The following DEUP1 variants were observed in gnomAD, a reference collection of about 807,000 sequenced individuals.
DEUP1 encodes coiled-coil domain containing 67.
In DEUP1, 82 loss-of-function variants were observed where a neutral mutation model predicts 87.4. That is an observed-to-expected ratio of 0.94 (90% CI 0.78 to 1.13). The LOEUF is 1.13. Ranked by LOEUF, DEUP1 falls within the 50% of genes most tolerant of loss-of-function variation. DEUP1 has a pLI of 0.00. For synonymous variants in DEUP1, 214 were observed against 222.7 expected, an observed-to-expected ratio of 0.96 and a Z score of 0.35; for missense variants, 663 against 681.5, an observed-to-expected ratio of 0.97 and a Z score of 0.30.
chr11:93,381,913 T>C (rs1358639235), intron 7 of DEUP1, among the ~76,000 whole-genome samples: 1 of 152,118 alleles, frequency 6.6e-6, no homozygotes. Context: ...AGGTTTTTAC[T>C]TTTTTTCATA....
intron 12 of DEUP1, among the ~76,000 whole-genome samples, chr11:93,412,464 T>A (rs1947464838): frequency 6.6e-6 from 1 of 152,214 alleles, no homozygotes; most frequent in Admixed American, 6.5e-5. Context: ...ACTTGTCAGA[T>A]ATAAAGGTGA....
intron 11 of DEUP1, among the ~76,000 whole-genome samples, chr11:93,401,027 T>C (rs1425197467): frequency 6.6e-6 from 1 of 152,144 alleles, no homozygotes; most frequent in Non-Finnish European, 1.5e-5. Flanking sequence ...ACAGACGATA[T>C]GATCTTATGC....
chr11:93,371,378 T>C, intron 7 of DEUP1, 98 bp downstream of exon 7: 1 of 1,237,722 alleles, frequency 8.1e-7, no homozygotes, highest in South Asian at 1.7e-5. Flanking sequence ...TTTTCTATTA[T>C]TAATATATGT....
chr11:93,332,380 T>C (rs1943535552), intron 2 of DEUP1, 92 bp downstream of exon 2: 2 of 965,678 alleles, frequency 2.1e-6, no homozygotes, highest in South Asian at 3.2e-5. Flanking sequence ...TTACTATTAA[T>C]AGAAGGATAT....
chr11:93,394,427 T>C (rs1315603989), intron 9 of DEUP1, 32 bp from the exon 10 acceptor site: 1 of 1,461,282 alleles, frequency 6.8e-7, no homozygotes, highest in Admixed American at 2.7e-5. Flanking sequence ...ATAAAAGGAT[T>C]CAATAATATT....
chr11:93,387,943 T>C (rs1336617498), intron 8 of DEUP1, among the ~76,000 whole-genome samples: 1 of 152,060 alleles, frequency 6.6e-6, no homozygotes, highest in Non-Finnish European at 1.5e-5. Flanking sequence ...GAAAAATATA[T>C]TTACCGCACA....
chr11:93,420,875 C>T (rs1187533227), intron 13 of DEUP1, among the ~76,000 whole-genome samples: 2 of 111,896 alleles, frequency 1.8e-5, no homozygotes, highest in Non-Finnish European at 3.6e-5. Context: ...AGGACCTCTT[C>T]AAGGAGAACT....
intron 2 of DEUP1, among the ~76,000 whole-genome samples, chr11:93,354,625 C>T (rs1944793317): frequency 1.3e-5 from 2 of 151,942 alleles, no homozygotes; most frequent in South Asian, 4.2e-4. Flanking sequence ...TGGGGGGAGC[C>T]AAAAAGCACT....
At chr11:93,427,486 A>G (rs1453723193) in intron 13 of DEUP1, among the ~76,000 whole-genome samples, 1 of 152,142 alleles carries the variant, frequency 6.6e-6, no homozygotes, top group African/African-American at 2.4e-5. Flanking sequence ...AAGATGGATT[A>G]AAGAGTTAAA....
At chr11:93,417,328 A>G (rs1296866691) in intron 13 of DEUP1, among the ~76,000 whole-genome samples, 1 of 151,386 alleles carries the variant, frequency 6.6e-6, no homozygotes, top group African/African-American at 2.4e-5. Flanking sequence ...CAACTTCAGC[A>G]AACTCTCAGG....
chr11:93,354,711 G>A (rs1944797324), intron 2 of DEUP1, among the ~76,000 whole-genome samples: 1 of 152,170 alleles, frequency 6.6e-6, no homozygotes, highest in South Asian at 2.1e-4. Context: ...CAGATCTCAT[G>A]AGACTTAGTC....
intron 7 of DEUP1, among the ~76,000 whole-genome samples, chr11:93,373,625 G>GTATA (rs1555048258): frequency 0.024 from 1,588 of 66,838 alleles, 16 homozygotes; most frequent in Middle Eastern, 0.076. Context: ...ATATATATAC[G>GTATA]TATATATATA....
At chr11:93,402,367 C>T (rs1299573382) in intron 11 of DEUP1, among the ~76,000 whole-genome samples, 1 of 151,796 alleles carries the variant, frequency 6.6e-6, no homozygotes, top group African/African-American at 2.4e-5. Context: ...TGGATGCTGG[C>T]AAGGATTTGG....
At chr11:93,357,206 T>C (rs897037983) in intron 4 of DEUP1, 163 bp downstream of exon 4, 1 of 530,980 alleles carries the variant, frequency 1.9e-6, no homozygotes, top group Admixed American at 3.9e-5. Flanking sequence ...TGATTTTGTC[T>C]CTTACTAGAT....
intron 12 of DEUP1, among the ~76,000 whole-genome samples, chr11:93,410,540 G>A (rs1022080276): frequency 9.2e-5 from 14 of 152,098 alleles, no homozygotes; most frequent in African/African-American, 2.2e-4. Flanking sequence ...GCCTCATTGC[G>A]AGAGAAAAGC....
chr11:93,419,029 T>C (rs1947762845), intron 13 of DEUP1, among the ~76,000 whole-genome samples: 1 of 136,008 alleles, frequency 7.4e-6, no homozygotes, highest in Non-Finnish European at 1.6e-5. Context: ...CTGGGGACTG[T>C]TGTGGGGTGG....
chr11:93,392,976 C>G (rs1041080892), intron 9 of DEUP1, among the ~76,000 whole-genome samples: 1 of 150,492 alleles, frequency 6.6e-6, no homozygotes, highest in Non-Finnish European at 1.5e-5. Flanking sequence ...TCTTCCTCCT[C>G]CTCCGAGCCC....
chr11:93,339,730 C>T (rs551562049), intron 2 of DEUP1, among the ~76,000 whole-genome samples: 5 of 152,276 alleles, frequency 3.3e-5, no homozygotes, highest in East Asian at 1.9e-4. Context: ...TACACAGTGT[C>T]GGAGGAGGCC....
intron 13 of DEUP1, among the ~76,000 whole-genome samples, chr11:93,428,295 G>C (rs1157134578): frequency 6.6e-6 from 1 of 152,050 alleles, no homozygotes; most frequent in African/African-American, 2.4e-5. Flanking sequence ...GTCCTCTGTA[G>C]GGACATGGAT....
Sources: gnomAD v4.1 joint callset for allele counts (sites outside exome capture counted in the v4.1 genomes callset) on GRCh38, gnomAD v4.1.1 for gene constraint, MANE v1.5 for transcripts, NCBI Gene and HGNC (gene_info 2026-07-23, HGNC 2026-07-21) for gene names.